ATXN1: variants seen among roughly 807,000 people sequenced by gnomAD.
The protein encoded by ATXN1 is ataxin 1, also known as ataxin-1.
In ATXN1, 8 loss-of-function variants were observed where a neutral mutation model predicts 56.4. The observed-to-expected ratio is 0.14, with a 90% CI of 0.08 to 0.26. ATXN1 has a LOEUF of 0.26. Among genes scored for constraint, ATXN1 ranks in the 10% least tolerant of loss-of-function variants. The probability of loss-of-function intolerance (pLI) is 1.00; values close to 1 mark genes in which losing one functional copy is unlikely to be tolerated. For synonymous variants in ATXN1, 514 were observed against 494.6 expected (o/e 1.04, Z -0.52); for missense variants, 987 against 1,106.5 (o/e 0.89, Z 1.53).
chr6:16,616,356 A>T (rs1763208271), intron 3 of ATXN1, among the ~76,000 whole-genome samples: 2 of 151,682 alleles, frequency 1.3e-5, no homozygotes, highest in Non-Finnish European at 2.9e-5. Context: ...CCTGGCTAAC[A>T]TGGTGAAACC....
At chr6:16,631,494 C>T (rs555896938) in intron 3 of ATXN1, among the ~76,000 whole-genome samples, 1 of 152,310 alleles carries the variant, frequency 6.6e-6, no homozygotes, top group South Asian at 2.1e-4. Context: ...ACTAAAATCA[C>T]ACAGGTGTCA....
intron 6 of ATXN1, among the ~76,000 whole-genome samples, chr6:16,343,105 G>A (rs184776188): frequency 3.8e-3 from 579 of 152,338 alleles, no homozygotes; most frequent in Middle Eastern, 0.01. Context: ...AGCACTTTGG[G>A]AGGCTGAGGC....
chr6:16,335,543 C>T (rs73724835), intron 6 of ATXN1, among the ~76,000 whole-genome samples: 2,690 of 152,234 alleles, frequency 0.018, 77 homozygotes, highest in African/African-American at 0.061. Flanking sequence ...GGCCTAAGGA[C>T]ATAAAAAATA....
intron 5 of ATXN1, among the ~76,000 whole-genome samples, chr6:16,497,148 C>T (rs1054000896): frequency 1.3e-5 from 2 of 152,056 alleles, no homozygotes; most frequent in Admixed American, 1.3e-4. Flanking sequence ...AATGAAGTGA[C>T]AGCTTCTTTT....
At chr6:16,366,446 A>T (rs796412566) in intron 6 of ATXN1, among the ~76,000 whole-genome samples, 18 of 152,278 alleles carry the variant, frequency 1.2e-4, no homozygotes, top group African/African-American at 4.1e-4. Flanking sequence ...TTGTTAGTTG[A>T]TCAAGAATCT....
At chr6:16,308,594 C>T (rs1396857479) in intron 7 of ATXN1, among the ~76,000 whole-genome samples, 2 of 152,298 alleles carry the variant, frequency 1.3e-5, no homozygotes. Context: ...GACCCCAAAG[C>T]ACTGTCCCTT....
rs146375265 is a variant in ATXN1 at position 16,722,146 on chromosome 6, G to A, written c.-615+31087C>T. 7.2e-5 allele frequency among the ~76,000 whole-genome samples: 11 copies of A among 152,330 alleles called. No homozygotes were observed. In the East Asian group the frequency reaches 2.1e-3, roughly 29 times the overall value. ...TGCAAACTATGCAGCATTAACTGAT[G>A]TTGAGGAAATGAAAGGAGATAACGA... On this transcript the variant is annotated intron_variant, in intron 2 of 7. Transcript: ENST00000436367.
chr6:16,348,253 TA>T (rs1379563564), intron 6 of ATXN1, among the ~76,000 whole-genome samples: 3 of 152,142 alleles, frequency 2.0e-5, no homozygotes, highest in Admixed American at 6.6e-5. Context: ...TTTATTCAGA[TA>T]GGGTTTCATC....
chr6:16,542,793 T>G (rs1014267338), intron 4 of ATXN1, among the ~76,000 whole-genome samples: 41 of 152,272 alleles, frequency 2.7e-4, no homozygotes, highest in African/African-American at 8.2e-4. Context: ...TATACACCCA[T>G]GATAGAGTTT....
chr6:16,431,940 G>A (rs1429705024), intron 6 of ATXN1, among the ~76,000 whole-genome samples: 1 of 152,180 alleles, frequency 6.6e-6, no homozygotes, highest in East Asian at 1.9e-4. Context: ...TCGCGGGGGA[G>A]CCAAAGGCAG....
chr6:16,474,835 T>TACACACACACAC (rs80085771), intron 6 of ATXN1, among the ~76,000 whole-genome samples: 1 of 146,910 alleles, frequency 6.8e-6, no homozygotes, highest in Non-Finnish European at 1.5e-5. Flanking sequence ...TGTGTGTGCA[T>TACACACACACAC]ACACACACAC....
intron 3 of ATXN1, among the ~76,000 whole-genome samples, chr6:16,605,702 T>C (rs1358807948): frequency 6.6e-6 from 1 of 152,114 alleles, no homozygotes; most frequent in African/African-American, 2.4e-5. Context: ...AGAATACATA[T>C]GGTACAGTAG....
At chr6:16,469,885 C>T (rs935452259) in intron 6 of ATXN1, among the ~76,000 whole-genome samples, 4 of 149,976 alleles carry the variant, frequency 2.7e-5, no homozygotes, top group Admixed American at 2.0e-4. Flanking sequence ...ATTGCTTGAA[C>T]CTGGGAGGCA....
At chr6:16,447,396 G>A (rs1170772881) in intron 6 of ATXN1, among the ~76,000 whole-genome samples, 1 of 151,924 alleles carries the variant, frequency 6.6e-6, no homozygotes, top group East Asian at 1.9e-4. Flanking sequence ...GCTAATTTTT[G>A]TATTTTTAGT....
chr6:16,685,661 T>C (rs1194352174), intron 2 of ATXN1, among the ~76,000 whole-genome samples: 2 of 152,210 alleles, frequency 1.3e-5, no homozygotes, highest in Non-Finnish European at 2.9e-5. Context: ...TTGATAAAGC[T>C]AACACATGTT....
intron 4 of ATXN1, among the ~76,000 whole-genome samples, chr6:16,549,418 T>C (rs1761875346): frequency 6.6e-6 from 1 of 152,212 alleles, no homozygotes; most frequent in Non-Finnish European, 1.5e-5. Flanking sequence ...AGCTTCATTA[T>C]AATCTTATGG....
chr6:16,649,503 T>C (rs1230982836), intron 3 of ATXN1, among the ~76,000 whole-genome samples: 1 of 152,202 alleles, frequency 6.6e-6, no homozygotes, highest in African/African-American at 2.4e-5. Flanking sequence ...AAAAAAATGG[T>C]TTTTAGTAAC....
intron 3 of ATXN1, among the ~76,000 whole-genome samples, chr6:16,589,538 T>C (rs534807682): frequency 6.6e-6 from 1 of 152,170 alleles, no homozygotes; most frequent in East Asian, 1.9e-4. Context: ...TAATAGAGAA[T>C]GTTATTATTA....
intron 2 of ATXN1, among the ~76,000 whole-genome samples, chr6:16,686,290 T>C (rs1758916366): frequency 6.6e-6 from 1 of 152,192 alleles, no homozygotes; most frequent in South Asian, 2.1e-4. Flanking sequence ...TTCCAGGTCT[T>C]TCCTAAAAGG....
Sources: allele counts gnomAD v4.1 joint callset (sites outside exome capture counted in the v4.1 genomes callset), GRCh38; gene constraint gnomAD v4.1.1; transcripts MANE v1.5; gene names NCBI Gene and HGNC (gene_info 2026-07-23, HGNC 2026-07-21).